The following TAOK1 variants were observed in gnomAD, a reference collection of about 807,000 sequenced individuals.
The protein encoded by TAOK1 is serine/threonine-protein kinase TAO1.
A neutral mutation model predicts 138.3 loss-of-function variants in TAOK1; 21 were observed. That is an observed-to-expected ratio of 0.15 (90% CI 0.11 to 0.22). TAOK1 has a LOEUF of 0.22. TAOK1 is among the 10% of genes least tolerant of loss of function. TAOK1 has a pLI of 1.00. For missense variants in TAOK1, 651 were observed against 1,227.7 expected, an observed-to-expected ratio of 0.53 and a Z score of 7.02; for synonymous variants, 361 against 398.4, an observed-to-expected ratio of 0.91 and a Z score of 1.12.
intron 1 of TAOK1, among the ~76,000 whole-genome samples, chr17:29,432,610 G>A (rs1409656380): frequency 1.3e-5 from 2 of 152,128 alleles, no homozygotes; most frequent in Non-Finnish European, 2.9e-5. Flanking sequence ...GATTACAGGC[G>A]TGAGCCACTG....
At chr17:29,501,025 GAA>G (rs1006367494) in intron 12 of TAOK1, among the ~76,000 whole-genome samples, 1 of 151,846 alleles carries the variant, frequency 6.6e-6, no homozygotes, top group Non-Finnish European at 1.5e-5. Flanking sequence ...TTGGGTTGAT[GAA>G]AAAGTTTTGG....
chr17:29,405,868 T>G (rs1294956958), intron 1 of TAOK1, among the ~76,000 whole-genome samples: 1 of 152,198 alleles, frequency 6.6e-6, no homozygotes, highest in East Asian at 1.9e-4. Flanking sequence ...TTTCTTATAT[T>G]TTTTGAGTGC....
intron 1 of TAOK1, among the ~76,000 whole-genome samples, chr17:29,409,964 G>T (rs1447452240): frequency 3.3e-5 from 5 of 152,076 alleles, no homozygotes; most frequent in African/African-American, 9.7e-5. Flanking sequence ...AAGGGCTATT[G>T]CTGTTGGAAG....
chr17:29,418,550 G>T (rs1905326295), intron 1 of TAOK1, among the ~76,000 whole-genome samples: 1 of 151,976 alleles, frequency 6.6e-6, no homozygotes, highest in Non-Finnish European at 1.5e-5. Flanking sequence ...TGTGGGATTG[G>T]TTCCAGGACC....
chr17:29,402,434 C>T (rs758015673), intron 1 of TAOK1, among the ~76,000 whole-genome samples: 4 of 152,044 alleles, frequency 2.6e-5, no homozygotes, highest in Non-Finnish European at 5.9e-5. Context: ...TACCAAGTAG[C>T]TGAGACTACA....
At chr17:29,506,599 A>G (rs920973354) in intron 13 of TAOK1, among the ~76,000 whole-genome samples, 5 of 152,236 alleles carry the variant, frequency 3.3e-5, no homozygotes, top group African/African-American at 9.6e-5. Flanking sequence ...TTTTGAAATA[A>G]TTAAAAGTAG....
chr17:29,471,286 T>C (rs2030811679), intron 3 of TAOK1, among the ~76,000 whole-genome samples: 1 of 132,698 alleles, frequency 7.5e-6, no homozygotes, highest in South Asian at 2.6e-4. Context: ...CTTTTTTTTT[T>C]TTTTTTTTTT....
intron 3 of TAOK1, among the ~76,000 whole-genome samples, chr17:29,468,160 G>A (rs1370549500): frequency 2.9e-5 from 1 of 34,508 alleles, no homozygotes; most frequent in African/African-American, 2.2e-4. Context: ...TTTAGGAGCT[G>A]GAGTCTCACT....
intron 2 of TAOK1, among the ~76,000 whole-genome samples, chr17:29,460,253 A>G (rs1166759354): frequency 1.3e-5 from 2 of 152,208 alleles, no homozygotes; most frequent in Non-Finnish European, 2.9e-5. Flanking sequence ...GTGCAGTGGC[A>G]CGATCTCAGT....
At position 29,432,628 on chromosome 17, in the gene TAOK1, C is replaced by A. The variant is rs751942813; in HGVS notation, c.-94-18827C>A. ...TACAGGCGTGAGCCACTGTGCCCGG[C>A]CTGCCTGGCTAATTTTTGTATTTTT... On this transcript the variant is annotated intron_variant, in intron 1 of 19. Transcript: ENST00000261716. 2.5e-4 allele frequency among the ~76,000 whole-genome samples: 38 copies of A among 152,168 alleles called. 4 individuals are homozygous for A. The highest frequency in any genetic ancestry group is 1.8e-3 in the Admixed American group (28 of 15,286).
At chr17:29,393,871 T>C (rs1348752378) in intron 1 of TAOK1, among the ~76,000 whole-genome samples, 2 of 152,170 alleles carry the variant, frequency 1.3e-5, no homozygotes, top group Non-Finnish European at 2.9e-5. Context: ...TTTAAAGAAG[T>C]ACAGCAATGT....
At chr17:29,415,389 A>G (rs974145654) in intron 1 of TAOK1, among the ~76,000 whole-genome samples, 1 of 152,162 alleles carries the variant, frequency 6.6e-6, no homozygotes, top group Non-Finnish European at 1.5e-5. Flanking sequence ...TCACATGATA[A>G]TTATGTGTTT....
chr17:29,472,031 C>T lies in TAOK1; in HGVS notation c.205-3639C>T, dbSNP rs922973178. Among the ~76,000 whole-genome samples the T allele has an allele frequency of 3.9e-5, 6 of 152,286 alleles. No individual in the cohort carries two copies. In the South Asian group the frequency reaches 1.2e-3, roughly 32 times the overall value. ...TCCAGTTTTCCTGCTGTTTCCACCA[C>T]ATCTGCAATTATTTCCTCCACTGAA... On this transcript the variant is annotated intron_variant, in intron 3 of 19. Coordinates refer to ENST00000261716, the MANE Select transcript of TAOK1 (RefSeq NM_020791.4).
intron 15 of TAOK1, 56 bp from the exon 16 acceptor site, chr17:29,517,397 G>A: frequency 6.4e-7 from 1 of 1,570,652 alleles, no homozygotes; most frequent in South Asian, 1.1e-5. Context: ...TGGGATTACA[G>A]GCGTGAGCCA....
At position 29,390,840 on chromosome 17, in the gene TAOK1, C is replaced by A. The variant is rs1376459155; in HGVS notation, c.-279C>A. On this transcript the variant is annotated 5_prime_UTR_variant, in exon 1 of 20. Coordinates refer to ENST00000261716, the MANE Select transcript of TAOK1 (RefSeq NM_020791.4). Reference sequence around the variant, plus strand: ...GTCCCCTCGCCCCCCCCCCCACCCCCCGCCGCCGCCGCCCCTTGTTGCAGA... The same window carrying A: ...GTCCCCTCGCCCCCCCCCCCACCCCACGCCGCCGCCGCCCCTTGTTGCAGA... The A allele has an allele frequency of 1.3e-5, 2 of 151,516 alleles. No individual in the cohort carries two copies. Among genetic ancestry groups the A allele is most frequent in the East Asian group, 3.9e-4 (2 of 5,102 alleles). The allele number at this position is 151,516 out of a possible 1,614,324, so 9.4% of individuals were successfully genotyped here. A position where few individuals can be genotyped will look rare whatever the true frequency, so the allele number is the denominator to read the frequency against.
rs1444228300 is a variant in TAOK1, at chr17:29,549,957, AT to A, written c.*6936del. 1 of 152,152 alleles carries A rather than the reference AT, an allele frequency of 6.6e-6. No homozygotes were observed. The highest frequency in any genetic ancestry group is 1.5e-5 in the Non-Finnish European group (1 of 68,026). The allele number at this position is 152,152 out of a possible 1,614,324, so 9.4% of individuals were successfully genotyped here. On this transcript the variant is annotated 3_prime_UTR_variant, in exon 20 of 20. Transcript: ENST00000261716. Reference sequence around the variant, plus strand: ...AATTAATTACATGTGTCCAAGAATAATCCAAGCTAGAGACACAAGGTGGGAA... The same window carrying A: ...AATTAATTACATGTGTCCAAGAATAACCAAGCTAGAGACACAAGGTGGGAA...
intron 17 of TAOK1, among the ~76,000 whole-genome samples, chr17:29,525,376 G>T (rs1383568898): frequency 6.6e-6 from 1 of 152,054 alleles, no homozygotes; most frequent in Non-Finnish European, 1.5e-5. Context: ...CTCCCAAAGT[G>T]CTGGGATTAC....
At chr17:29,426,610 C>T (rs1418343311) in intron 1 of TAOK1, among the ~76,000 whole-genome samples, 1 of 152,158 alleles carries the variant, frequency 6.6e-6, no homozygotes, top group Non-Finnish European at 1.5e-5. Flanking sequence ...GGTCTGTGCT[C>T]TGCTATCCAT....
At chr17:29,537,620 G>T (rs2032244980) in intron 19 of TAOK1, among the ~76,000 whole-genome samples, 1 of 150,326 alleles carries the variant, frequency 6.7e-6, no homozygotes, top group Admixed American at 6.7e-5. Flanking sequence ...GCCTCCCAAA[G>T]TGCTGAGATT....
Sources: gnomAD v4.1 joint callset for allele counts (sites outside exome capture counted in the v4.1 genomes callset) on GRCh38, gnomAD v4.1.1 for gene constraint, MANE v1.5 for transcripts, NCBI Gene and HGNC (gene_info 2026-07-23, HGNC 2026-07-21) for gene names.